SPATA13: variants seen among roughly 807,000 people sequenced by gnomAD.
The protein encoded by SPATA13 is spermatogenesis associated 13.
Under a neutral mutation model 104.0 loss-of-function variants are expected in SPATA13, and 50 were observed. The ratio of observed to expected loss-of-function variants is 0.48; its 90% CI spans 0.38 to 0.61. The LOEUF is 0.61. Among genes scored for constraint, SPATA13 ranks in the 20% least tolerant of loss-of-function variants. SPATA13 has a pLI of 0.00. For synonymous variants in SPATA13, 606 were observed against 667.5 expected, an observed-to-expected ratio of 0.91 and a Z score of 1.42; for missense variants, 1,524 against 1,690.6, an observed-to-expected ratio of 0.90 and a Z score of 1.73.
At chr13:24,261,595 A>G (rs374821128) in intron 4 of SPATA13, among the ~76,000 whole-genome samples, 7 of 152,288 alleles carry the variant, frequency 4.6e-5, no homozygotes, top group East Asian at 3.9e-4. Context: ...GGGACCAGTG[A>G]AGGCAGAGAA....
At chr13:24,058,357 A>T (rs544477458) in intron 3 of SPATA13, among the ~76,000 whole-genome samples, 1 of 152,000 alleles carries the variant, frequency 6.6e-6, no homozygotes, top group Non-Finnish European at 1.5e-5. Context: ...ATATCAACTC[A>T]TTTAATGCTC....
chr13:24,253,141 C>T (rs1202200700), intron 4 of SPATA13: 2 of 152,150 alleles, frequency 1.3e-5, no homozygotes, highest in Non-Finnish European at 2.9e-5. Context: ...ATGTCCACCA[C>T]CTGGTGGTAC....
At chr13:24,300,316 A>T (rs1016000819) in intron 11 of SPATA13, 85 bp from the exon 12 acceptor site, 3 of 1,033,774 alleles carry the variant, frequency 2.9e-6, no homozygotes, top group Non-Finnish European at 4.4e-6. Flanking sequence ...GATAACCTCA[A>T]TGCTGATATG....
chr13:23,984,465 T>C (rs747491799), intron 2 of SPATA13, among the ~76,000 whole-genome samples: 3 of 152,232 alleles, frequency 2.0e-5, no homozygotes, highest in Non-Finnish European at 2.9e-5. Flanking sequence ...AGAAACCGTG[T>C]GCATTGTTCT....
chr13:24,099,984 G>C (rs1327604612), intron 3 of SPATA13, among the ~76,000 whole-genome samples: 1 of 152,182 alleles, frequency 6.6e-6, no homozygotes, highest in African/African-American at 2.4e-5. Context: ...GACTGGCCCA[G>C]GGTCCACGGA....
intron 3 of SPATA13, among the ~76,000 whole-genome samples, chr13:24,147,502 C>T (rs756498693): frequency 3.3e-5 from 5 of 152,100 alleles, no homozygotes; most frequent in Admixed American, 6.6e-5. Flanking sequence ...GGTGATTGCT[C>T]GGTGCTCTCA....
upstream of SPATA13, among the ~76,000 whole-genome samples, chr13:24,156,212 T>G (rs540369516): frequency 4.5e-4 from 69 of 152,330 alleles, no homozygotes; most frequent in South Asian, 0.014. Flanking sequence ...GAGGGATTGC[T>G]GGATGATACG....
intron 4 of SPATA13, among the ~76,000 whole-genome samples, chr13:24,254,070 T>C (rs1291062006): frequency 3.3e-5 from 5 of 152,080 alleles, no homozygotes; most frequent in African/African-American, 9.7e-5. Flanking sequence ...TGAAGGCGAT[T>C]GCATTAGTCC....
intron 3 of SPATA13, among the ~76,000 whole-genome samples, chr13:24,037,685 G>A (rs1396507387): frequency 2.6e-5 from 4 of 152,056 alleles, no homozygotes; most frequent in East Asian, 1.9e-4. Flanking sequence ...TGAGATTACA[G>A]GCATGAGCCA....
chr13:24,207,540 C>T (rs1427319136), intron 1 of SPATA13, among the ~76,000 whole-genome samples: 2 of 118,106 alleles, frequency 1.7e-5, no homozygotes. Context: ...TTCACATTTC[C>T]ACCAACAGTA....
intron 2 of SPATA13, among the ~76,000 whole-genome samples, chr13:23,989,955 A>G (rs998489472): frequency 1.3e-5 from 2 of 152,294 alleles, no homozygotes; most frequent in African/African-American, 4.8e-5. Context: ...GGATACTTTG[A>G]TCTTTGACTT....
At chr13:24,057,709 A>G (rs377458724) in intron 3 of SPATA13, among the ~76,000 whole-genome samples, 12 of 151,856 alleles carry the variant, frequency 7.9e-5, no homozygotes, top group African/African-American at 2.9e-4. Flanking sequence ...GAATTGCCAC[A>G]CCGTATATAT....
At chr13:24,085,370 GC>G in intron 3 of SPATA13, among the ~76,000 whole-genome samples, 2 of 152,166 alleles carry the variant, frequency 1.3e-5, no homozygotes, top group Middle Eastern at 6.8e-3. Context: ...CAGGTGATCC[GC>G]CCACCTCAGC....
At chr13:23,985,981 A>C (rs1392470491) in intron 2 of SPATA13, among the ~76,000 whole-genome samples, 1 of 152,200 alleles carries the variant, frequency 6.6e-6, no homozygotes, top group Non-Finnish European at 1.5e-5. Context: ...TCACCCGCGG[A>C]CCTCAGCTCT....
At chr13:24,072,586 G>A (rs1378274257) in intron 3 of SPATA13, among the ~76,000 whole-genome samples, 1 of 152,082 alleles carries the variant, frequency 6.6e-6, no homozygotes, top group Non-Finnish European at 1.5e-5. Context: ...ACACAGCTCA[G>A]TCCCCAGAAT....
chr13:24,278,529 C>G (rs1875186251), intron 4 of SPATA13: 7 of 905,846 alleles, frequency 7.7e-6, no homozygotes, highest in Non-Finnish European at 1.1e-5. Flanking sequence ...CCTCCTGCCT[C>G]AGTCTTCCAA....
intron 3 of SPATA13, among the ~76,000 whole-genome samples, chr13:24,098,764 T>C (rs1880163327): frequency 6.6e-6 from 1 of 151,536 alleles, no homozygotes; most frequent in Non-Finnish European, 1.5e-5. Flanking sequence ...CCGTCTTTAC[T>C]AAAAACACAA....
At chr13:24,125,728 A>C (rs1019633864) in intron 3 of SPATA13, among the ~76,000 whole-genome samples, 2 of 152,080 alleles carry the variant, frequency 1.3e-5, no homozygotes, top group African/African-American at 4.8e-5. Flanking sequence ...GAGGTGAGGA[A>C]TAAGGAGGAG....
chr13:24,014,030 C>T (rs913721077), intron 2 of SPATA13, among the ~76,000 whole-genome samples: 7 of 152,170 alleles, frequency 4.6e-5, no homozygotes, highest in African/African-American at 7.2e-5. Flanking sequence ...GCTGTATACG[C>T]TTGCTAGGGC....
Sources: allele counts gnomAD v4.1 joint callset (sites outside exome capture counted in the v4.1 genomes callset), GRCh38; gene constraint gnomAD v4.1.1; transcripts MANE v1.5; gene names NCBI Gene and HGNC (gene_info 2026-07-23, HGNC 2026-07-21).